FAR2: variants seen among roughly 807,000 people sequenced by gnomAD.
FAR2 encodes the protein fatty acyl-CoA reductase 2.
FAR2 carries 19 observed loss-of-function variants against 56.0 expected under a neutral mutation model. The observed-to-expected ratio is 0.34, with a 90% CI of 0.24 to 0.50. The LOEUF is 0.50. FAR2 is among the 20% of genes least tolerant of loss of function. The pLI is 0.98. For missense variants in FAR2, 508 were observed against 642.2 expected (o/e 0.79, Z 2.26); for synonymous variants, 219 against 218.8 (o/e 1.00, Z -0.01).
chr12:29,317,410 A>G (rs1025618248), intron 9 of FAR2, among the ~76,000 whole-genome samples: 8 of 152,228 alleles, frequency 5.3e-5, no homozygotes, highest in African/African-American at 1.9e-4. Flanking sequence ...AGCTCATTAC[A>G]TATATGCAAA....
At chr12:29,168,939 G>A (rs1949858630) in intron 1 of FAR2, among the ~76,000 whole-genome samples, 1 of 152,146 alleles carries the variant, frequency 6.6e-6, no homozygotes, top group Admixed American at 6.5e-5. Flanking sequence ...CCATTTTACA[G>A]AGTGCTGATT....
chr12:29,226,998 C>T (rs1459181856), intron 1 of FAR2, among the ~76,000 whole-genome samples: 45 of 152,072 alleles, frequency 3.0e-4, no homozygotes, highest in Admixed American at 2.9e-3. Context: ...AGAAGACTTG[C>T]TTTACTTAGA....
chr12:29,232,289 T>C (rs1379447254), intron 1 of FAR2, among the ~76,000 whole-genome samples: 1 of 152,212 alleles, frequency 6.6e-6, no homozygotes, highest in African/African-American at 2.4e-5. Context: ...AGCTTTATCC[T>C]GGTTCTTTCC....
chr12:29,291,551 A>AAGAACCTGG, intron 2 of FAR2: 1 of 434,254 alleles, frequency 2.3e-6, no homozygotes, highest in South Asian at 1.6e-5. Context: ...CTTAAAATCA[A>AAGAACCTGG]TTGGGGGACT....
intron 1 of FAR2, among the ~76,000 whole-genome samples, chr12:29,206,184 A>T (rs1218750154): frequency 6.6e-6 from 1 of 152,208 alleles, no homozygotes; most frequent in Non-Finnish European, 1.5e-5. Context: ...GCAGAATTGA[A>T]CCAAGCAGCT....
At chr12:29,192,889 C>T (rs925351381) in intron 1 of FAR2, among the ~76,000 whole-genome samples, 13 of 152,092 alleles carry the variant, frequency 8.5e-5, no homozygotes, top group African/African-American at 2.9e-4. Context: ...ACAAATGCTT[C>T]GGTTTCTTTA....
chr12:29,214,958 T>C (rs550638278), intron 1 of FAR2, among the ~76,000 whole-genome samples: 3 of 152,168 alleles, frequency 2.0e-5, no homozygotes, highest in South Asian at 4.2e-4. Flanking sequence ...TCTTGAGAAA[T>C]TGAAATTGTG....
intron 1 of FAR2, among the ~76,000 whole-genome samples, chr12:29,260,070 A>G (rs576132105): frequency 6.6e-6 from 1 of 152,318 alleles, no homozygotes; most frequent in Non-Finnish European, 1.5e-5. Context: ...ATTTTAGTTT[A>G]AAAAATAATT....
rs535697084 is a variant in FAR2, at chr12:29,176,020, G to A, written c.-39+26613G>A. ...TAAAAGCTAGGTGACCTCAGTTTAT[G>A]AAATTTAAAAGGTTGGAAATTTTAA... On this transcript the variant is annotated intron_variant, in intron 1 of 11. Transcript: ENST00000536681. 1.3e-3 allele frequency among the ~76,000 whole-genome samples: 191 copies of A among 152,282 alleles called. 1 individual carries two copies. Among genetic ancestry groups the A allele is most frequent in the African/African-American group, 4.5e-3 (185 of 41,558 alleles).
At chr12:29,314,067 T>G (rs947666683) in intron 8 of FAR2, among the ~76,000 whole-genome samples, 6 of 152,228 alleles carry the variant, frequency 3.9e-5, no homozygotes, top group Non-Finnish European at 8.8e-5. Flanking sequence ...TCTCTAAGCA[T>G]TAAGCATTTT....
chr12:29,266,671 A>AT (rs1948522003), intron 1 of FAR2, among the ~76,000 whole-genome samples: 1 of 152,154 alleles, frequency 6.6e-6, no homozygotes, highest in African/African-American at 2.4e-5. Flanking sequence ...AACACAAAGA[A>AT]TGGATAAATG....
At chr12:29,257,525 C>G (rs1948343468) in intron 1 of FAR2, among the ~76,000 whole-genome samples, 1 of 152,186 alleles carries the variant, frequency 6.6e-6, no homozygotes, top group Non-Finnish European at 1.5e-5. Context: ...TTCTTTCGCT[C>G]TTTGCAATAA....
At chr12:29,169,446 G>A (rs1786722724) in intron 1 of FAR2, among the ~76,000 whole-genome samples, 1 of 152,166 alleles carries the variant, frequency 6.6e-6, no homozygotes, top group African/African-American at 2.4e-5. Context: ...AAAATACAGG[G>A]CCTGAAGGCG....
At chr12:29,183,411 A>G (rs992067482) in intron 1 of FAR2, among the ~76,000 whole-genome samples, 1 of 152,166 alleles carries the variant, frequency 6.6e-6, no homozygotes, top group Non-Finnish European at 1.5e-5. Flanking sequence ...AACTCATTTG[A>G]TTGTCTCGAA....
At chr12:29,184,497 C>T (rs56209813) in intron 1 of FAR2, among the ~76,000 whole-genome samples, 19,776 of 135,612 alleles carry the variant, frequency 0.15, 1,627 homozygotes, top group Non-Finnish European at 0.2. Flanking sequence ...TGCAGTGGCG[C>T]GATCTCAGCT....
At chr12:29,219,242 T>C (rs1399619212) in intron 1 of FAR2, among the ~76,000 whole-genome samples, 1 of 152,138 alleles carries the variant, frequency 6.6e-6, no homozygotes, top group Non-Finnish European at 1.5e-5. Context: ...CCTCACAGGA[T>C]TTATTTATAT....
At chr12:29,233,425 A>G (rs1192674709) in intron 1 of FAR2, among the ~76,000 whole-genome samples, 2 of 152,114 alleles carry the variant, frequency 1.3e-5, no homozygotes, top group Non-Finnish European at 1.5e-5. Context: ...CACAATTTCC[A>G]TACCATTTTC....
Position 29,333,794 on chromosome 12 carries a change from A to G in FAR2, c.1548A>G (p.Ter516=), listed in dbSNP as rs1231045874. Reference sequence around the variant, plus strand: ...GAGCATCCAGCACGCTCAAAGTTTAAGAGCATTTAGCCATCGCTTTTTATC... The same window carrying G: ...GAGCATCCAGCACGCTCAAAGTTTAGGAGCATTTAGCCATCGCTTTTTATC... ...YFRASSTLKV[*] is the part of the protein sequence containing the mutation. Residue 516 remains the stop codon, a stop_retained_variant, in exon 12 of 12, where the codon TAA becomes TAG. Transcript: ENST00000536681. 6.2e-7 allele frequency: 1 copy of G among 1,613,182 alleles called. No individual in the cohort carries two copies. Among genetic ancestry groups the G allele is most frequent in the Admixed American group, 1.7e-5 (1 of 59,912 alleles).
chr12:29,224,908 A>G (rs1036972627), intron 1 of FAR2, among the ~76,000 whole-genome samples: 1 of 152,220 alleles, frequency 6.6e-6, no homozygotes, highest in African/African-American at 2.4e-5. Flanking sequence ...AAAGGCATAT[A>G]AAAATAACAT....
Sources: gnomAD v4.1 joint callset for allele counts (sites outside exome capture counted in the v4.1 genomes callset) on GRCh38, gnomAD v4.1.1 for gene constraint, MANE v1.5 for transcripts, NCBI Gene and HGNC (gene_info 2026-07-23, HGNC 2026-07-21) for gene names.